AUTS2: variants seen among roughly 807,000 people sequenced by gnomAD.
The protein encoded by AUTS2 is activator of transcription and developmental regulator AUTS2, also known as autism susceptibility gene 2 protein.
AUTS2 carries 17 observed loss-of-function variants against 112.4 expected under a neutral mutation model. That is an observed-to-expected ratio of 0.15 (90% CI 0.10 to 0.23). AUTS2 has a LOEUF of 0.23. Ranked by LOEUF, AUTS2 falls within the 10% of genes least tolerant of loss-of-function variation. The pLI is 1.00. For synonymous variants in AUTS2, 751 were observed against 702.7 expected (o/e 1.07, Z -1.09); for missense variants, 1,510 against 1,701.6 (o/e 0.89, Z 1.98).
At chr7:70,494,901 C>A (rs899147517) in intron 5 of AUTS2, among the ~76,000 whole-genome samples, 2 of 152,046 alleles carry the variant, frequency 1.3e-5, no homozygotes, top group African/African-American at 4.8e-5. Flanking sequence ...CACTGTTATT[C>A]CTTACCCTCC....
chr7:69,835,778 CA>C (rs1791696004), intron 1 of AUTS2, among the ~76,000 whole-genome samples: 1 of 152,176 alleles, frequency 6.6e-6, no homozygotes, highest in African/African-American at 2.4e-5. Context: ...TGGTTGGAGA[CA>C]TTCGTTTCCT....
At chr7:70,562,543 T>C (rs547553139) in intron 5 of AUTS2, among the ~76,000 whole-genome samples, 1 of 152,228 alleles carries the variant, frequency 6.6e-6, no homozygotes, top group Non-Finnish European at 1.5e-5. Context: ...ATGTCACCAC[T>C]GTTTCATTTA....
At chr7:69,980,155 C>T (rs1554418474) in intron 2 of AUTS2, among the ~76,000 whole-genome samples, 1 of 152,148 alleles carries the variant, frequency 6.6e-6, no homozygotes, top group Non-Finnish European at 1.5e-5. Flanking sequence ...GTCGCCCAGG[C>T]TGGAATGCAG....
intron 4 of AUTS2, among the ~76,000 whole-genome samples, chr7:70,143,978 A>G (rs1056073557): frequency 6.6e-6 from 1 of 152,102 alleles, no homozygotes; most frequent in African/African-American, 2.4e-5. Context: ...ACAAATGACT[A>G]CTTATCTGTA....
At chr7:70,329,843 T>G (rs2129619345) in intron 4 of AUTS2, among the ~76,000 whole-genome samples, 1 of 152,258 alleles carries the variant, frequency 6.6e-6, no homozygotes, top group African/African-American at 2.4e-5. Context: ...GAAATTTATT[T>G]CTTACAGTTA....
intron 4 of AUTS2, among the ~76,000 whole-genome samples, chr7:70,347,152 C>A (rs1029368051): frequency 6.6e-6 from 1 of 152,172 alleles, no homozygotes; most frequent in African/African-American, 2.4e-5. Context: ...ATGCTTTCCT[C>A]TATCCCCTGC....
At chr7:70,633,140 A>G (rs757739847) in intron 5 of AUTS2, among the ~76,000 whole-genome samples, 16 of 152,188 alleles carry the variant, frequency 1.1e-4, no homozygotes, top group African/African-American at 3.6e-4. Context: ...CACACCCTAT[A>G]TGAATGTGTT....
intron 18 of AUTS2, 126 bp downstream of exon 18, chr7:70,787,557 C>T (rs888345853): frequency 3.0e-6 from 2 of 661,222 alleles, no homozygotes; most frequent in Middle Eastern, 3.8e-4. Flanking sequence ...GCCTCAGCTC[C>T]TCCCCACAGC....
intron 2 of AUTS2, among the ~76,000 whole-genome samples, chr7:69,954,586 T>C (rs1000390797): frequency 2.0e-5 from 3 of 152,210 alleles, no homozygotes; most frequent in Admixed American, 6.5e-5. Context: ...GCGAGAATGG[T>C]GCCTTGTTCT....
chr7:69,637,186 G>A (rs909831102), intron 1 of AUTS2, among the ~76,000 whole-genome samples: 3 of 152,086 alleles, frequency 2.0e-5, no homozygotes, highest in Non-Finnish European at 2.9e-5. Flanking sequence ...GTTATAACTA[G>A]CCTTGTGATA....
At chr7:70,716,636 C>CAAA (rs34972760) in intron 6 of AUTS2, among the ~76,000 whole-genome samples, 1,569 of 64,826 alleles carry the variant, frequency 0.024, 212 homozygotes, top group Non-Finnish European at 0.03. Context: ...GACTCCGTCT[C>CAAA]AAAAAAAAAA....
At chr7:70,354,011 G>A (rs1024753426) in intron 4 of AUTS2, among the ~76,000 whole-genome samples, 2 of 152,204 alleles carry the variant, frequency 1.3e-5, no homozygotes, top group African/African-American at 4.8e-5. Flanking sequence ...AAATCAAAAT[G>A]ATCTGTGCAA....
chr7:70,677,542 A>C (rs1585490083), intron 5 of AUTS2, among the ~76,000 whole-genome samples: 1 of 151,730 alleles, frequency 6.6e-6, no homozygotes, highest in South Asian at 2.1e-4. Flanking sequence ...GTGTTTTCTC[A>C]CCTTAGCTTT....
chr7:69,600,034 C>G (rs1792293437), intron 1 of AUTS2, 72 bp downstream of exon 1: 1 of 1,497,810 alleles, frequency 6.7e-7, no homozygotes, highest in Non-Finnish European at 9.2e-7. Context: ...GCTCTCCTGC[C>G]TCCCTCGCCG....
At chr7:69,936,609 A>C (rs954361957) in intron 2 of AUTS2, among the ~76,000 whole-genome samples, 6 of 152,162 alleles carry the variant, frequency 3.9e-5, no homozygotes, top group Admixed American at 6.5e-5. Flanking sequence ...TAGGCCTCCC[A>C]AAGTGCTGGG....
chr7:69,927,560 G>A (rs764752544), intron 2 of AUTS2, among the ~76,000 whole-genome samples: 42 of 152,136 alleles, frequency 2.8e-4, no homozygotes, highest in Non-Finnish European at 5.4e-4. Flanking sequence ...ATTCCTGCTG[G>A]GCTCATTCCA....
chr7:69,779,779 A>T (rs1211655586), intron 1 of AUTS2, among the ~76,000 whole-genome samples: 1 of 151,182 alleles, frequency 6.6e-6, no homozygotes, highest in African/African-American at 2.4e-5. Context: ...AAAAAAAAAA[A>T]ATTAAAAAAA....
chr7:70,239,651 T>G (rs926263252), intron 4 of AUTS2, among the ~76,000 whole-genome samples: 6 of 152,094 alleles, frequency 3.9e-5, no homozygotes, highest in African/African-American at 1.4e-4. Context: ...GCCAGGCTGG[T>G]CTTGAACTCC....
chr7:69,899,679 A>G (rs887364392), intron 2 of AUTS2, among the ~76,000 whole-genome samples, 181 bp downstream of exon 2: 1 of 152,216 alleles, frequency 6.6e-6, no homozygotes, highest in Admixed American at 6.5e-5. Flanking sequence ...AGCTCTTTCT[A>G]TGAGGATTTG....
Sources: allele counts gnomAD v4.1 joint callset (sites outside exome capture counted in the v4.1 genomes callset), GRCh38; gene constraint gnomAD v4.1.1; transcripts MANE v1.5; gene names NCBI Gene and HGNC (gene_info 2026-07-23, HGNC 2026-07-21).